STARD7: variants seen among roughly 807,000 people sequenced by gnomAD.
STARD7 encodes StAR related lipid transfer domain containing 7.
Under a neutral mutation model 45.3 loss-of-function variants are expected in STARD7, and 30 were observed. The ratio of observed to expected loss-of-function variants is 0.66; its 90% confidence interval spans 0.50 to 0.90. STARD7 has a LOEUF of 0.90. Ranked by LOEUF, STARD7 falls within the 40% of genes least tolerant of loss-of-function variation. The probability of loss-of-function intolerance (pLI) is 0.00; values close to 1 mark genes in which losing one functional copy is unlikely to be tolerated. For missense variants in STARD7, 495 were observed against 491.3 expected (o/e 1.01, Z -0.07); for synonymous variants, 199 against 183.0 (o/e 1.09, Z -0.70).
rs777807987 is a variant in STARD7, at chr2:96,208,134, G to T, written c.290+11C>A. 6.5e-7 allele frequency: 1 copy of T among 1,530,408 alleles called. No individual in the cohort carries two copies. Among genetic ancestry groups the T allele is most frequent in the African/African-American group, 1.4e-5 (1 of 70,148 alleles). The allele number at this position is 1,530,408 out of a possible 1,614,324, so 94.8% of individuals were successfully genotyped here. On this transcript the variant is annotated intron_variant, in intron 1 of 7. Coordinates refer to ENST00000337288, the MANE Select transcript of STARD7 (RefSeq NM_020151.4). ...CCCCACGGCCCAGAAAGAGCTCGCC[G>T]CAGCGCCCACCTCTGCAACTCCTCC...
chr2:96,189,238 C>T (rs188097845), intron 6 of STARD7, among the ~76,000 whole-genome samples: 4 of 152,278 alleles, frequency 2.6e-5, no homozygotes, highest in Admixed American at 1.3e-4. Context: ...CATGAGCTAC[C>T]GTGCTCAGCC....
chr2:96,199,311 C>T (rs575153189), intron 1 of STARD7, among the ~76,000 whole-genome samples: 41 of 152,306 alleles, frequency 2.7e-4, no homozygotes, highest in Admixed American at 5.9e-4. Flanking sequence ...AATCCATGAA[C>T]ACGGGATGTC....
chr2:96,206,800 C>CAAAAAAA (rs61417989), intron 1 of STARD7, among the ~76,000 whole-genome samples: 1 of 49,486 alleles, frequency 2.0e-5, no homozygotes, highest in Non-Finnish European at 4.0e-5. Flanking sequence ...GACTCCGTCT[C>CAAAAAAA]AAAAAAAAAA....
In STARD7 at chr2:96,193,083, C is replaced by A; in HGVS notation, c.738G>T (p.Val246=). The A allele has an allele frequency of 6.2e-7, 1 of 1,612,748 alleles. No homozygotes were observed. The highest frequency in any genetic ancestry group is 8.5e-7 in the Non-Finnish European group (1 of 1,178,930). Reference sequence around the variant, plus strand: ...CCACAGGCAGCCATACATACCGCGACACCAACACCATCATGTTGTTTTCCT... The same window carrying A: ...CCACAGGCAGCCATACATACCGCGAAACCAACACCATCATGTTGTTTTCCT... The part of the protein sequence containing the change: ...VDQENNMMVL[V]SRAVEHPSVP... The change falls in exon 5 of 8, where the codon GTG becomes GTT. Residue 246 remains valine, a synonymous_variant. Coordinates refer to ENST00000337288, the MANE Select transcript of STARD7 (RefSeq NM_020151.4).
intron 6 of STARD7, among the ~76,000 whole-genome samples, chr2:96,189,306 A>T (rs571924438): frequency 2.0e-5 from 3 of 152,192 alleles, no homozygotes; most frequent in East Asian, 1.9e-4. Flanking sequence ...ATATTGCTAC[A>T]TTTCATTGCT....
rs529929234 is a variant in STARD7 at position 96,208,442 on chromosome 2, C to A, written c.-8G>T. On this transcript the variant is annotated 5_prime_UTR_variant, in exon 1 of 8. Transcript: ENST00000337288. Reference sequence around the variant, plus strand: ...CAGCCTCCGCGGGAGCATGCCGCCTCCCGCAGGGCCCGCCGCGAGCTTCCG... The same window carrying A: ...CAGCCTCCGCGGGAGCATGCCGCCTACCGCAGGGCCCGCCGCGAGCTTCCG... 7.3e-7 allele frequency: 1 copy of A among 1,361,598 alleles called. No homozygotes were observed. The highest frequency in any genetic ancestry group is 9.4e-7 in the Non-Finnish European group (1 of 1,067,476). 84.3% of individuals were successfully genotyped at this position (1,361,598 alleles called of 1,614,324 possible).
At chr2:96,200,078 C>A (rs532292579) in intron 1 of STARD7, among the ~76,000 whole-genome samples, 2 of 152,010 alleles carry the variant, frequency 1.3e-5, no homozygotes, top group Admixed American at 6.6e-5. Flanking sequence ...TTCAGGACTG[C>A]GAAAAGTTGT....
At chr2:96,207,790 G>C (rs758961678) in intron 1 of STARD7, among the ~76,000 whole-genome samples, 4 of 152,130 alleles carry the variant, frequency 2.6e-5, no homozygotes, top group Non-Finnish European at 5.9e-5. Context: ...AATTTGTTTT[G>C]AATTTGCACC....
chr2:96,189,395 T>C (rs1439691014), intron 6 of STARD7, among the ~76,000 whole-genome samples: 1 of 152,158 alleles, frequency 6.6e-6, no homozygotes, highest in Non-Finnish European at 1.5e-5. Flanking sequence ...ATATCTTTAC[T>C]CTGACACTGT....
intron 1 of STARD7, among the ~76,000 whole-genome samples, chr2:96,198,934 A>G (rs1040999654): frequency 1.3e-5 from 2 of 152,188 alleles, no homozygotes; most frequent in African/African-American, 4.8e-5. Context: ...TTTGTCGAAA[A>G]GCCTATTCCT....
At chr2:96,199,942 A>G (rs1416929073) in intron 1 of STARD7, among the ~76,000 whole-genome samples, 1 of 152,106 alleles carries the variant, frequency 6.6e-6, no homozygotes, top group South Asian at 2.1e-4. Flanking sequence ...CCTTTTTTCT[A>G]TTAATATGGT....
intron 3 of STARD7, among the ~76,000 whole-genome samples, chr2:96,193,600 T>A: frequency 6.6e-6 from 1 of 152,132 alleles, no homozygotes; most frequent in East Asian, 1.9e-4. Context: ...CAAGGAAAAG[T>A]GTAACAAAAT....
chr2:96,206,575 C>T (rs1004304620), intron 1 of STARD7, among the ~76,000 whole-genome samples: 2 of 151,626 alleles, frequency 1.3e-5, no homozygotes, highest in East Asian at 1.9e-4. Flanking sequence ...CCGAGGCGGG[C>T]GGATCACGAG....
At position 96,195,774 on chromosome 2, in the gene STARD7, A is replaced by G. The variant is rs1683194097; in HGVS notation, c.291-225T>C. Among the ~76,000 whole-genome samples, 6 of 152,180 alleles carry G rather than the reference A, an allele frequency of 3.9e-5. No individual in the cohort carries two copies. In the South Asian group the frequency reaches 1.2e-3, roughly 31 times the overall value. On this transcript the variant is annotated intron_variant, in intron 1 of 7. Coordinates refer to ENST00000337288, the MANE Select transcript of STARD7 (RefSeq NM_020151.4). ...CAGTTCCTATTTCTAAATCTATAAA[A>G]TGGAAATAATAATAGTACCTATCTC...
intron 2 of STARD7, 104 bp downstream of exon 2, chr2:96,195,237 A>T (rs1306092486): frequency 3.6e-6 from 4 of 1,122,190 alleles, no homozygotes; most frequent in Non-Finnish European, 5.1e-6. Flanking sequence ...AACTACGGCA[A>T]ATTTTCTGAG....
In STARD7 at chr2:96,196,123, A is replaced by C. The variant is rs183965129; in HGVS notation, c.291-574T>G. Among the ~76,000 whole-genome samples the C allele has an allele frequency of 4.7e-3, 714 of 150,620 alleles. 3 individuals carry two copies. The highest frequency in any genetic ancestry group is 0.01 in the Middle Eastern group (3 of 292). The stretch of plus-strand genomic sequence containing the variant: ...GTGAGACTCTTGTCTCAAAAAAAAA[A>C]AAAAAACAAAAAACAAAAAACAACG... On this transcript the variant is annotated intron_variant, in intron 1 of 7. Coordinates refer to ENST00000337288, the MANE Select transcript of STARD7 (RefSeq NM_020151.4).
In STARD7 at chr2:96,208,657, G is replaced by T. The variant is rs1234051383; in HGVS notation, c.-223C>A. On this transcript the variant is annotated 5_prime_UTR_variant, in exon 1 of 8. Transcript: ENST00000337288. ...GCAGCAGACGCCGGGATGGCTCCGCGACTGCTACACCAGGCACTCCTGGGC... is the reference window on the plus strand; with the variant it reads ...GCAGCAGACGCCGGGATGGCTCCGCTACTGCTACACCAGGCACTCCTGGGC... The T allele has an allele frequency of 6.4e-6, 3 of 465,406 alleles. No homozygotes were observed. Among genetic ancestry groups the T allele is most frequent in the Non-Finnish European group, 1.1e-5 (3 of 267,018 alleles). 28.8% of individuals were successfully genotyped at this position (465,406 alleles called of 1,614,324 possible).
intron 1 of STARD7, among the ~76,000 whole-genome samples, chr2:96,200,673 T>C (rs1683291582): frequency 6.6e-6 from 1 of 152,226 alleles, no homozygotes; most frequent in Non-Finnish European, 1.5e-5. Context: ...ACTTGGCTTG[T>C]ATTTTTCCCA....
intron 1 of STARD7, among the ~76,000 whole-genome samples, chr2:96,205,666 A>G (rs1683377016): frequency 6.6e-6 from 1 of 152,234 alleles, no homozygotes; most frequent in Admixed American, 6.5e-5. Flanking sequence ...CCTACTTTCA[A>G]GCAAATAGAA....
Sources: allele counts gnomAD v4.1 joint callset (sites outside exome capture counted in the v4.1 genomes callset), GRCh38; gene constraint gnomAD v4.1.1; transcripts MANE v1.5; gene names NCBI Gene and HGNC (gene_info 2026-07-23, HGNC 2026-07-21).